RIMS2: variants seen among roughly 807,000 people sequenced by gnomAD.
The protein encoded by RIMS2 is regulating synaptic membrane exocytosis protein 2.
RIMS2 carries 59 observed loss-of-function variants against 174.4 expected under a neutral mutation model. That is an observed-to-expected ratio of 0.34 (90% confidence interval 0.27 to 0.42). The LOEUF is 0.42. RIMS2 is among the 10% of genes least tolerant of loss of function. RIMS2 has a pLI of 1.00. For synonymous variants in RIMS2, 606 were observed against 572.5 expected (o/e 1.06, Z -0.84); for missense variants, 1,620 against 1,666.3 (o/e 0.97, Z 0.48).
At chr8:104,183,982 A>G (rs1041663475) in intron 19 of RIMS2, among the ~76,000 whole-genome samples, 1 of 151,596 alleles carries the variant, frequency 6.6e-6, no homozygotes, top group East Asian at 1.9e-4. Context: ...CGAGGAAAAA[A>G]CTTTTGTTCC....
intron 19 of RIMS2, among the ~76,000 whole-genome samples, chr8:104,091,371 C>A (rs1283966994): frequency 1.3e-5 from 2 of 151,584 alleles, no homozygotes; most frequent in African/African-American, 4.8e-5. Context: ...GAAAGAATAG[C>A]AGCTACTTTT....
chr8:103,867,497 C>G (rs1383849716), intron 3 of RIMS2, among the ~76,000 whole-genome samples: 2 of 151,644 alleles, frequency 1.3e-5, no homozygotes, highest in African/African-American at 4.8e-5. Context: ...TTTAAGTTTT[C>G]TAAGGCAAAT....
At chr8:104,161,905 T>C (rs572527603) in intron 19 of RIMS2, among the ~76,000 whole-genome samples, 1 of 152,346 alleles carries the variant, frequency 6.6e-6, no homozygotes, top group Non-Finnish European at 1.5e-5. Context: ...ATCTTCAAGC[T>C]AACAAAGACA....
intron 1 of RIMS2, among the ~76,000 whole-genome samples, chr8:103,629,887 A>G (rs1405312190): frequency 1.3e-5 from 2 of 152,124 alleles, no homozygotes; most frequent in East Asian, 1.9e-4. Flanking sequence ...CAAATGAACC[A>G]TCTTGGATAC....
rs201874619 is a variant in RIMS2, at chr8:103,994,334, A to AT, written c.3044+4919dup. Among the ~76,000 whole-genome samples, 1,080 of 152,150 alleles carry AT rather than the reference A, an allele frequency of 7.1e-3. 6 individuals are homozygous for AT. The highest frequency in any genetic ancestry group is 0.011 in the Non-Finnish European group (733 of 67,976). ...ATCTAGTTTAATACTTTGAATAGTA[A>AT]TTTTTTATCATGAGCCTTAGAATCT... is the stretch of plus-strand genomic sequence containing the variant. On this transcript the variant is annotated intron_variant, in intron 17 of 23. Transcript: ENST00000504942.
chr8:104,232,827 A>G (rs1173834233), intron 19 of RIMS2, among the ~76,000 whole-genome samples: 1 of 152,154 alleles, frequency 6.6e-6, no homozygotes, highest in African/African-American at 2.4e-5. Flanking sequence ...AGCAGGCTAG[A>G]AAAGTAGCAC....
At chr8:103,945,269 C>A (rs1268119177) in intron 14 of RIMS2, among the ~76,000 whole-genome samples, 1 of 151,876 alleles carries the variant, frequency 6.6e-6, no homozygotes, top group Admixed American at 6.6e-5. Flanking sequence ...CTGAATAAAC[C>A]TGTAATAAGT....
intron 4 of RIMS2, among the ~76,000 whole-genome samples, chr8:103,899,867 T>C (rs1404464750): frequency 1.3e-5 from 2 of 151,846 alleles, no homozygotes; most frequent in Non-Finnish European, 2.9e-5. Context: ...AACATTTAAG[T>C]CTTTAATCCA....
chr8:104,111,688 G>A lies in RIMS2; in HGVS notation c.3334+97073G>A, dbSNP rs137868747. 7.8e-3 allele frequency among the ~76,000 whole-genome samples: 1,184 copies of A among 152,268 alleles called. 26 individuals carry two copies. The highest frequency in any genetic ancestry group is 0.027 in the African/African-American group (1,119 of 41,568). On this transcript the variant is annotated intron_variant, in intron 19 of 23. Coordinates refer to ENST00000504942, the Ensembl canonical transcript of RIMS2. ...ACCAAACTGCTGGGATTACAGGCAT[G>A]AGCCACCGCACCCGGCCTCCCATTG...
At chr8:103,676,592 T>A in intron 1 of RIMS2, among the ~76,000 whole-genome samples, 1 of 150,520 alleles carries the variant, frequency 6.6e-6, no homozygotes, top group East Asian at 1.9e-4. Flanking sequence ...TTTTTTTTTT[T>A]AATAAAGAGG....
chr8:104,114,452 G>C (rs559989893), intron 19 of RIMS2, among the ~76,000 whole-genome samples: 1 of 151,562 alleles, frequency 6.6e-6, no homozygotes, highest in Non-Finnish European at 1.5e-5. Context: ...TGGAAACACA[G>C]AAAAAAGGAA....
intron 3 of RIMS2, among the ~76,000 whole-genome samples, chr8:103,877,423 G>C (rs762160488): frequency 1.3e-5 from 2 of 151,678 alleles, no homozygotes; most frequent in Admixed American, 6.6e-5. Context: ...TTATTTGTTT[G>C]AGTTCCTTGT....
chr8:103,715,932 C>T (rs2097363330), intron 2 of RIMS2, among the ~76,000 whole-genome samples: 1 of 151,812 alleles, frequency 6.6e-6, no homozygotes, highest in Admixed American at 6.6e-5. Flanking sequence ...AAACTTTTTT[C>T]TTAAACATTT....
chr8:103,574,976 T>C (rs943536009), intron 1 of RIMS2, among the ~76,000 whole-genome samples: 6 of 152,156 alleles, frequency 3.9e-5, no homozygotes, highest in African/African-American at 1.4e-4. Context: ...CTATTAAAAA[T>C]TTTTACATGG....
intron 1 of RIMS2, among the ~76,000 whole-genome samples, chr8:103,674,420 A>G (rs1564243398): frequency 6.6e-6 from 1 of 152,156 alleles, no homozygotes; most frequent in Non-Finnish European, 1.5e-5. Context: ...TTTTGACCAC[A>G]CAAGATTTTC....
chr8:104,144,063 A>G (rs1312419606), intron 19 of RIMS2, among the ~76,000 whole-genome samples: 1 of 152,106 alleles, frequency 6.6e-6, no homozygotes. Context: ...CCTATATGCT[A>G]TTTATGTATT....
At chr8:103,697,557 A>C (rs780130520) in intron 2 of RIMS2, among the ~76,000 whole-genome samples, 10 of 150,968 alleles carry the variant, frequency 6.6e-5, no homozygotes, top group Non-Finnish European at 1.3e-4. Flanking sequence ...AAAAAAAAAA[A>C]AACAAAAAAA....
intron 19 of RIMS2, among the ~76,000 whole-genome samples, chr8:104,117,581 T>A (rs13273680): frequency 0.23 from 35,639 of 151,798 alleles, 4,473 homozygotes; most frequent in African/African-American, 0.33. Flanking sequence ...CCTCAAGCAA[T>A]CCCCCCTTCC....
chr8:103,766,562 G>T, intron 3 of RIMS2, 25 bp downstream of exon 6: 1 of 1,497,752 alleles, frequency 6.7e-7, no homozygotes, highest in Non-Finnish European at 9.2e-7. Flanking sequence ...TAATCTTTAG[G>T]CAAATGTATT....
Sources: gnomAD v4.1 joint callset for allele counts (sites outside exome capture counted in the v4.1 genomes callset) on GRCh38, gnomAD v4.1.1 for gene constraint, MANE v1.5 for transcripts, NCBI Gene and HGNC (gene_info 2026-07-23, HGNC 2026-07-21) for gene names.